BTD: variants seen among roughly 807,000 people sequenced by gnomAD.
BTD encodes the protein biotinidase, also known as biocytinase.
A neutral mutation model predicts 17.7 loss-of-function variants in BTD; 13 were observed. The observed-to-expected ratio is 0.74, with a 90% CI of 0.48 to 1.17. BTD has a LOEUF of 1.17. Ranked by LOEUF, BTD falls within the 50% of genes most tolerant of loss-of-function variation. BTD has a pLI of 0.00. For missense variants in BTD, 674 were observed against 650.4 expected (o/e 1.04, Z -0.39); for synonymous variants, 240 against 245.2 (o/e 0.98, Z 0.20).
intron 1 of BTD, among the ~76,000 whole-genome samples, chr3:15,618,346 A>C (rs1021127047): frequency 1.3e-5 from 2 of 152,182 alleles, no homozygotes; most frequent in Admixed American, 1.3e-4. Context: ...CTATAGATCA[A>C]GTTGTTCGCA....
chr3:15,627,778 A>G (rs1156290337), intron 1 of BTD, among the ~76,000 whole-genome samples: 3 of 152,224 alleles, frequency 2.0e-5, no homozygotes, highest in South Asian at 4.1e-4. Context: ...CTGGAGTGCA[A>G]TGGCACGATC....
rs1292524916 is a variant in BTD, at chr3:15,645,125, C to T, written c.1209C>T (p.Cys403=). 2 of 1,614,072 alleles carry T rather than the reference C, an allele frequency of 1.2e-6. No individual in the cohort carries two copies. Among genetic ancestry groups the T allele is most frequent in the Non-Finnish European group, 1.7e-6 (2 of 1,180,050 alleles). Reference sequence around the variant, plus strand: ...TCCACGTCTGTTCCAATGGCCTCTGCTGTTATTTACTTTACGAGAGGCCCA... The same window carrying T: ...TCCACGTCTGTTCCAATGGCCTCTGTTGTTATTTACTTTACGAGAGGCCCA... ...GYLHVCSNGL[C]CYLLYERPTL... Residue 403 remains cysteine, a synonymous_variant, in exon 4 of 4, where the codon TGC becomes TGT. Coordinates refer to ENST00000643237, the MANE Select transcript of BTD (RefSeq NM_001370658.1).
chr3:15,696,026 T>A, intron 3 of BTD: 1 of 788,690 alleles, frequency 1.3e-6, no homozygotes, highest in East Asian at 2.7e-5. Flanking sequence ...TCTGAAAATG[T>A]TAAAAAACAA....
intron 3 of BTD, among the ~76,000 whole-genome samples, chr3:15,687,795 G>A (rs1006077984): frequency 6.6e-6 from 1 of 152,174 alleles, no homozygotes; most frequent in African/African-American, 2.4e-5. Context: ...TGTTCAAGAA[G>A]AACTTGTTTG....
chr3:15,704,637 T>C (rs747929598), intron 3 of BTD, among the ~76,000 whole-genome samples: 13 of 152,214 alleles, frequency 8.5e-5, no homozygotes, highest in Non-Finnish European at 1.8e-4. Flanking sequence ...CCTGATTCTC[T>C]TATTACTCAA....
At chr3:15,684,334 G>A (rs2067868587) in intron 3 of BTD, 1 of 152,198 alleles carries the variant, frequency 6.6e-6, no homozygotes, top group Non-Finnish European at 1.5e-5. Flanking sequence ...AGCGATGACT[G>A]TGACTGTGAG....
At chr3:15,626,484 C>T (rs1039435809) in intron 1 of BTD, among the ~76,000 whole-genome samples, 3 of 152,090 alleles carry the variant, frequency 2.0e-5, no homozygotes, top group Non-Finnish European at 4.4e-5. Flanking sequence ...ACACTCATGC[C>T]AGGTAAAGCT....
In BTD at chr3:15,650,257, A is replaced by G. The variant is rs2125523598; in HGVS notation, c.*4769A>G. Among the ~76,000 whole-genome samples the G allele has an allele frequency of 6.6e-6, 1 of 152,350 alleles. No homozygotes were observed. The highest frequency in any genetic ancestry group is 1.9e-4 in the East Asian group (1 of 5,192). On this transcript the variant is annotated 3_prime_UTR_variant, in exon 4 of 4. Coordinates refer to ENST00000643237, the MANE Select transcript of BTD (RefSeq NM_001370658.1). ...CAACGAAACATTATTTCCGTTTGGA[A>G]AGTTTTTTTATTTTTGTGTTCAGTA... is the stretch of plus-strand genomic sequence containing the variant.
chr3:15,618,478 A>G (rs917651410), intron 1 of BTD, among the ~76,000 whole-genome samples: 27 of 152,128 alleles, frequency 1.8e-4, no homozygotes, highest in African/African-American at 6.3e-4. Flanking sequence ...TTTATACCTA[A>G]ATATTTCATA....
In BTD at chr3:15,668,449, C is replaced by A. The variant is rs541694971; in HGVS notation, c.399+26392C>A. ...CTACTACTAATAATTAGGAAGGGTT[C>A]ATTATGACTTCTTTATATTATAAAG... On this transcript the variant is annotated intron_variant, in intron 3 of 3. Coordinates refer to the BTD transcript ENST00000672141. The A allele has an allele frequency of 2.0e-5, 3 of 151,236 alleles. No individual in the cohort carries two copies. The East Asian group carries it at 5.8e-4, about 29-fold the overall frequency. The allele number at this position is 151,236 out of a possible 1,614,324, so 9.4% of individuals were successfully genotyped here.
chr3:15,674,516 G>A (rs921905962), intron 3 of BTD, among the ~76,000 whole-genome samples: 3 of 152,178 alleles, frequency 2.0e-5, no homozygotes, highest in Non-Finnish European at 2.9e-5. Context: ...GGTTTAAGCT[G>A]TTTATCAGAC....
Position 15,644,946 on chromosome 3 carries a change from A to G in BTD, c.1030A>G (p.Ile344Val). Residue 344 changes from isoleucine to valine, a missense_variant, in exon 4 of 4, where the codon ATT becomes GTT. Ile to Val is a conservative substitution (Grantham distance 29). Transcript: ENST00000643237. ...TDPSHSKFLK[I>V]LSGDPYCEKD... ...CCCATCCCATAGTAAGTTTTTAAAA[A>G]TTTTGTCAGGCGATCCGTACTGTGA... The G allele has an allele frequency of 6.2e-7, 1 of 1,614,150 alleles. No homozygotes were observed. Among genetic ancestry groups the G allele is most frequent in the Non-Finnish European group, 8.5e-7 (1 of 1,180,024 alleles).
At chr3:15,659,163 C>A (rs2065899016) in intron 3 of BTD, among the ~76,000 whole-genome samples, 3 of 152,188 alleles carry the variant, frequency 2.0e-5, no homozygotes, top group Admixed American at 2.0e-4. Flanking sequence ...CCCAAGAATC[C>A]TAACTCAAAA....
chr3:15,645,805 A>G lies in BTD; in HGVS notation c.*317A>G, dbSNP rs2065680858. The G allele has an allele frequency of 3.9e-6, 1 of 255,108 alleles. No individual in the cohort carries two copies. The highest frequency in any genetic ancestry group is 7.5e-6 in the Non-Finnish European group (1 of 134,192). The allele number at this position is 255,108 out of a possible 1,614,324, so 15.8% of individuals were successfully genotyped here. The stretch of plus-strand genomic sequence containing the variant: ...AAAACAAAAATAAATGTCAGTTTAT[A>G]TTTTACACATCCACAAAGCAGTGGC... On this transcript the variant is annotated 3_prime_UTR_variant, in exon 4 of 4. Coordinates refer to ENST00000643237, the MANE Select transcript of BTD (RefSeq NM_001370658.1).
intron 3 of BTD, among the ~76,000 whole-genome samples, chr3:15,701,175 C>G (rs2070546230): frequency 6.6e-6 from 1 of 152,172 alleles, no homozygotes; most frequent in East Asian, 1.9e-4. Context: ...GCCATTATTT[C>G]AATGCTAACA....
intron 3 of BTD, chr3:15,689,888 A>C (rs2068588562): frequency 1.3e-6 from 1 of 772,324 alleles, no homozygotes; most frequent in Non-Finnish European, 2.0e-6. Context: ...AGGTCAAATA[A>C]TCCATATATG....
chr3:15,694,325 C>G (rs1318531484), intron 3 of BTD, among the ~76,000 whole-genome samples: 2 of 152,100 alleles, frequency 1.3e-5, no homozygotes, highest in Non-Finnish European at 2.9e-5. Context: ...GTTAGCACCC[C>G]AAGATCACAA....
intron 3 of BTD, chr3:15,685,351 A>G (rs2067988339): frequency 3.1e-6 from 5 of 1,614,050 alleles, no homozygotes; most frequent in Non-Finnish European, 4.2e-6. Flanking sequence ...GGCAGCAGAC[A>G]GGTGTATAGG....
At chr3:15,674,031 G>GC (rs960616972) in intron 3 of BTD, among the ~76,000 whole-genome samples, 1 of 151,436 alleles carries the variant, frequency 6.6e-6, no homozygotes, top group African/African-American at 2.4e-5. Context: ...AATTAGCTAG[G>GC]CCTGGTGATG....
Sources: allele counts gnomAD v4.1 joint callset (sites outside exome capture counted in the v4.1 genomes callset), GRCh38; gene constraint gnomAD v4.1.1; transcripts MANE v1.5; gene names NCBI Gene and HGNC (gene_info 2026-07-23, HGNC 2026-07-21).